SNX29: variants seen among roughly 807,000 people sequenced by gnomAD.
SNX29 encodes sorting nexin 29, also known as sorting nexin-29.
A neutral mutation model predicts 102.1 loss-of-function variants in SNX29; 78 were observed. The ratio of observed to expected loss-of-function variants is 0.76; its 90% CI spans 0.64 to 0.92. The LOEUF is 0.92. Ranked by LOEUF, SNX29 falls within the 40% of genes least tolerant of loss-of-function variation. SNX29 has a pLI of 0.00. For missense variants in SNX29, 1,280 were observed against 1,061.7 expected (o/e 1.21, Z -2.86); for synonymous variants, 580 against 414.5 (o/e 1.40, Z -4.85).
At chr16:12,199,177 G>C (rs1340782782) in intron 13 of SNX29, among the ~76,000 whole-genome samples, 1 of 152,198 alleles carries the variant, frequency 6.6e-6, no homozygotes, top group East Asian at 1.9e-4. Context: ...TAAATGTTTA[G>C]TACAAGTCAC....
chr16:12,549,545 G>GCAGTAAGC, intron 20 of SNX29, among the ~76,000 whole-genome samples: 1 of 98,272 alleles, frequency 1.0e-5, no homozygotes, highest in African/African-American at 5.2e-5. Context: ...AGCCAGTAAG[G>GCAGTAAGC]CATGGAGTGG....
At chr16:12,400,498 T>C (rs1279987420) in intron 17 of SNX29, among the ~76,000 whole-genome samples, 3 of 152,168 alleles carry the variant, frequency 2.0e-5, no homozygotes, top group African/African-American at 7.2e-5. Context: ...TCTCCACAAA[T>C]GCTTATTCCC....
chr16:12,261,005 C>G (rs903069131), intron 14 of SNX29, among the ~76,000 whole-genome samples: 2 of 147,184 alleles, frequency 1.4e-5, no homozygotes, highest in African/African-American at 5.0e-5. Flanking sequence ...GTTTGTTGAG[C>G]TCGGGTCTGT....
intron 18 of SNX29, among the ~76,000 whole-genome samples, chr16:12,414,229 C>T (rs1471169491): frequency 6.6e-6 from 1 of 152,096 alleles, no homozygotes; most frequent in East Asian, 1.9e-4. Flanking sequence ...AAAATTTGAG[C>T]CAGGTGTGGT....
At chr16:12,024,348 G>T (rs2057128199) in intron 3 of SNX29, among the ~76,000 whole-genome samples, 1 of 152,020 alleles carries the variant, frequency 6.6e-6, no homozygotes, top group African/African-American at 2.4e-5. Flanking sequence ...GTTTCACCAT[G>T]TTGGCCAGGC....
chr16:12,554,807 G>A (rs1020256124), intron 20 of SNX29, among the ~76,000 whole-genome samples: 8 of 152,176 alleles, frequency 5.3e-5, no homozygotes, highest in Admixed American at 1.3e-4. Flanking sequence ...CTAGAAATTT[G>A]TATTGAGCAC....
At chr16:12,531,408 A>G (rs1164872387) in intron 20 of SNX29, among the ~76,000 whole-genome samples, 1 of 152,160 alleles carries the variant, frequency 6.6e-6, no homozygotes, top group Admixed American at 6.5e-5. Context: ...TGCCCTCAAA[A>G]TGTTGCAGAC....
At chr16:12,010,645 A>G (rs1051940355) in intron 3 of SNX29, among the ~76,000 whole-genome samples, 1 of 152,208 alleles carries the variant, frequency 6.6e-6, no homozygotes, top group African/African-American at 2.4e-5. Flanking sequence ...CAAACAAACA[A>G]GAAATTGCTC....
chr16:12,178,176 G>C (rs1209698292), intron 13 of SNX29, among the ~76,000 whole-genome samples: 1 of 152,184 alleles, frequency 6.6e-6, no homozygotes, highest in East Asian at 1.9e-4. Context: ...AAGGGGACAA[G>C]ACGCACAGGG....
chr16:12,101,360 C>G (rs371363985), intron 11 of SNX29, among the ~76,000 whole-genome samples: 1 of 134,666 alleles, frequency 7.4e-6, no homozygotes, highest in South Asian at 2.3e-4. Flanking sequence ...GTTCTTCCTC[C>G]TACTAAATGG....
chr16:12,554,121 C>G (rs1333243736), intron 20 of SNX29, among the ~76,000 whole-genome samples: 1 of 152,228 alleles, frequency 6.6e-6, no homozygotes, highest in Non-Finnish European at 1.5e-5. Context: ...AGCCACCATG[C>G]CCAGCCTGGA....
chr16:12,563,989 C>T (rs1056394213), intron 20 of SNX29, among the ~76,000 whole-genome samples: 2 of 152,062 alleles, frequency 1.3e-5, no homozygotes, highest in African/African-American at 2.4e-5. Context: ...TTCCCTCTGC[C>T]CCTGCAGCAC....
chr16:12,434,674 G>A, intron 18 of SNX29, among the ~76,000 whole-genome samples: 1 of 152,114 alleles, frequency 6.6e-6, no homozygotes. Context: ...CTGCACAACG[G>A]CTGGGGGCTT....
chr16:12,559,241 G>C (rs1289828627), intron 20 of SNX29, among the ~76,000 whole-genome samples: 3 of 151,976 alleles, frequency 2.0e-5, no homozygotes, highest in African/African-American at 7.3e-5. Flanking sequence ...CCCATCACTC[G>C]CATCACCGCC....
chr16:12,400,455 C>G (rs1478884157), intron 17 of SNX29, among the ~76,000 whole-genome samples: 2 of 152,198 alleles, frequency 1.3e-5, no homozygotes, highest in Non-Finnish European at 2.9e-5. Flanking sequence ...AGCCGGGTTT[C>G]AAACCCAGGC....
intron 6 of SNX29, 54 bp downstream of exon 6, chr16:12,046,508 T>G: frequency 6.3e-7 from 1 of 1,579,360 alleles, no homozygotes; most frequent in African/African-American, 1.3e-5. Flanking sequence ...GCAGAGGGGC[T>G]GCCTTGGGGC....
chr16:12,128,676 C>G (rs1010414240), intron 12 of SNX29, among the ~76,000 whole-genome samples: 2 of 152,116 alleles, frequency 1.3e-5, no homozygotes, highest in Non-Finnish European at 1.5e-5. Flanking sequence ...TGGTCTCAAA[C>G]TCCTGACCTC....
chr16:11,990,966 C>T (rs1470249245), intron 1 of SNX29, among the ~76,000 whole-genome samples: 1 of 152,266 alleles, frequency 6.6e-6, no homozygotes, highest in Non-Finnish European at 1.5e-5. Flanking sequence ...CTGTTGTTCA[C>T]ACTGCAGTGG....
At chr16:12,169,769 G>A (rs896174826) in intron 13 of SNX29, among the ~76,000 whole-genome samples, 3 of 152,022 alleles carry the variant, frequency 2.0e-5, no homozygotes, top group African/African-American at 7.2e-5. Context: ...GGCTGAGGCA[G>A]GAGAATCACT....
Sources: gnomAD v4.1 joint callset for allele counts (sites outside exome capture counted in the v4.1 genomes callset) on GRCh38, gnomAD v4.1.1 for gene constraint, MANE v1.5 for transcripts, NCBI Gene and HGNC (gene_info 2026-07-23, HGNC 2026-07-21) for gene names.